KCNIP1: variants seen among roughly 807,000 people sequenced by gnomAD.
KCNIP1 encodes potassium voltage-gated channel interacting protein 1.
A neutral mutation model predicts 33.0 loss-of-function variants in KCNIP1; 18 were observed. That is an observed-to-expected ratio of 0.55 (90% confidence interval 0.38 to 0.81). The LOEUF (loss-of-function observed/expected upper bound fraction) is 0.81. Among genes scored for constraint, KCNIP1 ranks in the 30% least tolerant of loss-of-function variants. KCNIP1 has a pLI of 0.00. For missense variants in KCNIP1, 238 were observed against 271.6 expected, an observed-to-expected ratio of 0.88 and a Z score of 0.87; for synonymous variants, 93 against 98.3, an observed-to-expected ratio of 0.95 and a Z score of 0.32.
intron 6 of KCNIP1, 87 bp downstream of exon 6, chr5:170,732,991 A>C (rs1764256218): frequency 1.3e-6 from 1 of 775,280 alleles, no homozygotes; most frequent in Non-Finnish European, 2.3e-6. Flanking sequence ...TTTGTGTCCA[A>C]CCCTGTACTA....
intron 1 of KCNIP1, among the ~76,000 whole-genome samples, chr5:170,601,360 A>G (rs542307548): frequency 7.5e-6 from 1 of 133,756 alleles, no homozygotes; most frequent in East Asian, 2.0e-4. Context: ...GAGACATCAC[A>G]GGAGAAGGAG....
chr5:170,472,248 G>C (rs1756746547), intron 1 of KCNIP1, among the ~76,000 whole-genome samples: 2 of 152,172 alleles, frequency 1.3e-5, no homozygotes, highest in East Asian at 3.9e-4. Context: ...CAGAGCCACT[G>C]TGAGATTCAG....
intron 1 of KCNIP1, among the ~76,000 whole-genome samples, chr5:170,444,936 G>A (rs1054506625): frequency 3.9e-5 from 6 of 152,182 alleles, no homozygotes; most frequent in Non-Finnish European, 7.3e-5. Flanking sequence ...GGGGCCACAC[G>A]GTGGGAAGCA....
At chr5:170,487,546 G>A (rs917621741) in intron 1 of KCNIP1, among the ~76,000 whole-genome samples, 2 of 149,278 alleles carry the variant, frequency 1.3e-5, no homozygotes, top group African/African-American at 4.9e-5. Flanking sequence ...TTTTAAGACA[G>A]GGTCTGGCTG....
chr5:170,354,075 G>C, intron 1 of KCNIP1: 1 of 1,045,886 alleles, frequency 9.6e-7, no homozygotes, highest in Non-Finnish European at 1.4e-6. Context: ...CTTGGAAAAA[G>C]CTGGGGAAAT....
chr5:170,440,314 G>A (rs901361243), intron 1 of KCNIP1, among the ~76,000 whole-genome samples: 1 of 152,124 alleles, frequency 6.6e-6, no homozygotes, highest in African/African-American at 2.4e-5. Flanking sequence ...AATACACAAG[G>A]GCCCAGATAC....
chr5:170,530,639 C>G (rs1279277001), intron 1 of KCNIP1, among the ~76,000 whole-genome samples: 1 of 152,238 alleles, frequency 6.6e-6, no homozygotes, highest in Non-Finnish European at 1.5e-5. Context: ...TTGGAGAATT[C>G]ATGACATTAT....
intron 1 of KCNIP1, chr5:170,376,503 C>G (rs1168593419): frequency 1.3e-5 from 2 of 151,986 alleles, no homozygotes; most frequent in Non-Finnish European, 1.5e-5. Context: ...TTTCCCTGAT[C>G]CTCTCCCTCC....
chr5:170,456,417 G>A (rs1756375881), intron 1 of KCNIP1, among the ~76,000 whole-genome samples: 1 of 152,014 alleles, frequency 6.6e-6, no homozygotes, highest in African/African-American at 2.4e-5. Flanking sequence ...CATGGCACAT[G>A]TATACCTGTG....
At chr5:170,669,782 AAAC>A in intron 1 of KCNIP1, 5 of 399,762 alleles carry the variant, frequency 1.3e-5, no homozygotes, top group Non-Finnish European at 1.7e-5. Flanking sequence ...AGAAAGTGAA[AAAC>A]AACATCTGAG....
At chr5:170,598,360 A>G (rs1261216375) in intron 1 of KCNIP1, among the ~76,000 whole-genome samples, 1 of 152,130 alleles carries the variant, frequency 6.6e-6, no homozygotes. Flanking sequence ...GAGAGAAGGC[A>G]CTGAAAAGGG....
intron 1 of KCNIP1, chr5:170,374,966 A>G (rs1278163059): frequency 6.6e-6 from 1 of 152,172 alleles, no homozygotes; most frequent in Non-Finnish European, 1.5e-5. Flanking sequence ...CTAGAGGAAC[A>G]TGGCCTTTTC....
intron 1 of KCNIP1, among the ~76,000 whole-genome samples, chr5:170,507,688 A>C (rs1048279482): frequency 6.6e-6 from 1 of 152,222 alleles, no homozygotes; most frequent in Admixed American, 6.5e-5. Context: ...AAACATACAT[A>C]GTTTTTAAAT....
intron 1 of KCNIP1, among the ~76,000 whole-genome samples, chr5:170,599,124 G>T (rs879756742): frequency 2.6e-5 from 4 of 152,050 alleles, no homozygotes; most frequent in African/African-American, 9.7e-5. Context: ...GCACCAGATA[G>T]AACTGACTCA....
chr5:170,717,981 A>T (rs1763691908), intron 1 of KCNIP1, among the ~76,000 whole-genome samples: 1 of 152,208 alleles, frequency 6.6e-6, no homozygotes, highest in South Asian at 2.1e-4. Context: ...AAACGTTGAA[A>T]ATTCCACGGA....
chr5:170,366,533 T>C (rs1431056541), intron 1 of KCNIP1, among the ~76,000 whole-genome samples: 1 of 152,216 alleles, frequency 6.6e-6, no homozygotes, highest in East Asian at 1.9e-4. Context: ...CCATGTTCAT[T>C]ATATCTGGAA....
chr5:170,591,283 T>C (rs574007125), intron 1 of KCNIP1, among the ~76,000 whole-genome samples: 58 of 152,236 alleles, frequency 3.8e-4, no homozygotes, highest in African/African-American at 1.2e-3. Context: ...TTCCTCCCAG[T>C]AGAGTTTGAG....
At chr5:170,614,151 G>T (rs1367314127) in intron 1 of KCNIP1, among the ~76,000 whole-genome samples, 1 of 152,230 alleles carries the variant, frequency 6.6e-6, no homozygotes, top group Admixed American at 6.5e-5. Flanking sequence ...CCTGTCCTGG[G>T]AATTGCCCTA....
chr5:170,359,440 A>C (rs1452798742), intron 1 of KCNIP1, among the ~76,000 whole-genome samples: 1 of 152,078 alleles, frequency 6.6e-6, no homozygotes, highest in Non-Finnish European at 1.5e-5. Flanking sequence ...ATGAAAAGCT[A>C]AGCTTCAATG....
Sources: gnomAD v4.1 joint callset for allele counts (sites outside exome capture counted in the v4.1 genomes callset) on GRCh38, gnomAD v4.1.1 for gene constraint, MANE v1.5 for transcripts, NCBI Gene and HGNC (gene_info 2026-07-23, HGNC 2026-07-21) for gene names.